Variants in RHOA observed in about 807,000 individuals in gnomAD.
The protein encoded by RHOA is ras homolog family member A, also known as transforming protein RhoA.
Under a neutral mutation model 17.5 loss-of-function variants are expected in RHOA, and 3 were observed. The ratio of observed to expected loss-of-function variants is 0.17; its 90% CI spans 0.08 to 0.44. The LOEUF (loss-of-function observed/expected upper bound fraction) is 0.44. Ranked by LOEUF, RHOA falls within the 20% of genes least tolerant of loss-of-function variation. The pLI is 0.99. For missense variants in RHOA, 56 were observed against 242.3 expected (o/e 0.23, Z 5.10); for synonymous variants, 98 against 88.4 (o/e 1.11, Z -0.61).
chr3:49,386,121 G>GAATTTTGATAGGAATT (rs2048391152), intron 1 of RHOA, among the ~76,000 whole-genome samples: 1 of 152,150 alleles, frequency 6.6e-6, no homozygotes, highest in Non-Finnish European at 1.5e-5. Flanking sequence ...AAGCCAGCTG[G>GAATTTTGATAGGAATT]AATTTTGATA....
intron 1 of RHOA, among the ~76,000 whole-genome samples, chr3:49,392,187 T>C (rs6800423): frequency 0.015 from 2,306 of 152,230 alleles, 64 homozygotes; most frequent in African/African-American, 0.051. Flanking sequence ...TCAGGCACAG[T>C]GACTCCCACC....
intron 1 of RHOA, among the ~76,000 whole-genome samples, chr3:49,381,202 C>G (rs2048311122): frequency 6.6e-6 from 1 of 150,982 alleles, no homozygotes; most frequent in African/African-American, 2.4e-5. Flanking sequence ...GTCCAGAGTT[C>G]AAGACCAGCC....
chr3:49,408,795 CTTTT>C (rs113298712), intron 1 of RHOA, among the ~76,000 whole-genome samples: 3 of 142,860 alleles, frequency 2.1e-5, no homozygotes. Flanking sequence ...ACTTAAGATC[CTTTT>C]TTTTTTTTTT....
intron 1 of RHOA, among the ~76,000 whole-genome samples, chr3:49,397,479 A>C (rs1163371980): frequency 6.6e-6 from 1 of 152,308 alleles, no homozygotes; most frequent in South Asian, 2.1e-4. Context: ...ATTATATCTC[A>C]GTAAAATTGT....
At chr3:49,392,243 G>A (rs1448253600) in intron 1 of RHOA, among the ~76,000 whole-genome samples, 1 of 152,078 alleles carries the variant, frequency 6.6e-6, no homozygotes, top group Non-Finnish European at 1.5e-5. Context: ...ACCAGCCTGG[G>A]CAATACAGTG....
At chr3:49,403,940 G>C (rs192687729) in intron 1 of RHOA, among the ~76,000 whole-genome samples, 1 of 151,454 alleles carries the variant, frequency 6.6e-6, no homozygotes, top group Non-Finnish European at 1.5e-5. Context: ...AAATCTTAGG[G>C]TGCTACTCCC....
intron 1 of RHOA, among the ~76,000 whole-genome samples, chr3:49,400,425 C>T (rs1192874599): frequency 6.6e-6 from 1 of 152,078 alleles, no homozygotes; most frequent in Non-Finnish European, 1.5e-5. Flanking sequence ...AAGAGTTACA[C>T]CCTCACCACC....
At chr3:49,411,651 G>A (rs1030610112) in intron 1 of RHOA, among the ~76,000 whole-genome samples, 169 bp downstream of exon 1, 6 of 151,654 alleles carry the variant, frequency 4.0e-5, no homozygotes, top group African/African-American at 7.3e-5. Flanking sequence ...GCCGCTTGGG[G>A]CGCGGGGCCC....
At chr3:49,370,498 T>C (rs2048132357) in intron 2 of RHOA, among the ~76,000 whole-genome samples, 1 of 152,186 alleles carries the variant, frequency 6.6e-6, no homozygotes, top group Admixed American at 6.6e-5. Context: ...AACAAATCTG[T>C]ATTTTGAGTT....
At chr3:49,381,352 C>T (rs373807225) in intron 1 of RHOA, among the ~76,000 whole-genome samples, 3 of 151,520 alleles carry the variant, frequency 2.0e-5, no homozygotes, top group Admixed American at 1.3e-4. Flanking sequence ...CTGCAGTAAG[C>T]CGATATCTCG....
chr3:49,384,042 GAAAAGA>G (rs1461611910), intron 1 of RHOA, among the ~76,000 whole-genome samples: 1 of 151,866 alleles, frequency 6.6e-6, no homozygotes, highest in Non-Finnish European at 1.5e-5. Context: ...AAAAAAGAAA[GAAAAGA>G]AAAAGAAAAA....
At chr3:49,405,845 C>T (rs1405908263) in intron 1 of RHOA, among the ~76,000 whole-genome samples, 3 of 152,116 alleles carry the variant, frequency 2.0e-5, no homozygotes, top group East Asian at 3.9e-4. Context: ...CTAATACACT[C>T]GGCTGATTTT....
chr3:49,395,606 G>A (rs953121548), intron 1 of RHOA, among the ~76,000 whole-genome samples: 50 of 151,834 alleles, frequency 3.3e-4, no homozygotes, highest in African/African-American at 8.7e-4. Flanking sequence ...TCAGCTACTC[G>A]GGAGGCTGAG....
At chr3:49,388,368 A>T (rs1486950690) in intron 1 of RHOA, among the ~76,000 whole-genome samples, 2 of 152,034 alleles carry the variant, frequency 1.3e-5, no homozygotes, top group Non-Finnish European at 2.9e-5. Context: ...AGCTTTAGGG[A>T]GCTCTGCTAT....
In RHOA at chr3:49,359,945, A is replaced by C; in HGVS notation, c.*264T>G. On this transcript the variant is annotated 3_prime_UTR_variant, in exon 5 of 5. Transcript: ENST00000418115. The stretch of plus-strand genomic sequence containing the variant: ...TTCTAGAAAGAAGCAAGAAGTTAAG[A>C]AATTCCTTGAATTAGCGCCTGGTGT... The C allele has an allele frequency of 2.5e-6, 1 of 395,350 alleles. No individual in the cohort carries two copies. Among genetic ancestry groups the C allele is most frequent in the Non-Finnish European group, 4.5e-6 (1 of 221,318 alleles). 24.5% of individuals were successfully genotyped at this position (395,350 alleles called of 1,614,324 possible).
intron 1 of RHOA, among the ~76,000 whole-genome samples, chr3:49,411,408 GTTTC>G (rs2048933021): frequency 1.3e-5 from 2 of 152,372 alleles, no homozygotes; most frequent in Admixed American, 6.5e-5. Flanking sequence ...GTTGTAAAGA[GTTTC>G]TTTCCCATTT....
chr3:49,390,409 G>A (rs1306031684), intron 1 of RHOA, among the ~76,000 whole-genome samples: 9 of 152,048 alleles, frequency 5.9e-5, no homozygotes, highest in African/African-American at 1.7e-4. Flanking sequence ...GATTACAGGC[G>A]TGAGCCACTG....
intron 2 of RHOA, among the ~76,000 whole-genome samples, chr3:49,374,936 A>C (rs1383255112): frequency 1.3e-5 from 2 of 152,016 alleles, no homozygotes; most frequent in Non-Finnish European, 2.9e-5. Context: ...ATATTCCCGT[A>C]ATCCCAGCTA....
At chr3:49,387,471 G>A (rs552326336) in intron 1 of RHOA, among the ~76,000 whole-genome samples, 253 of 146,344 alleles carry the variant, frequency 1.7e-3, no homozygotes, top group Middle Eastern at 4.0e-3. Context: ...AGGGTCGGGC[G>A]CGGTGGCTCA....
Sources: gnomAD v4.1 joint callset for allele counts (sites outside exome capture counted in the v4.1 genomes callset) on GRCh38, gnomAD v4.1.1 for gene constraint, MANE v1.5 for transcripts, NCBI Gene and HGNC (gene_info 2026-07-23, HGNC 2026-07-21) for gene names.